The following LRRC37A2 variants were observed in gnomAD, a reference collection of about 807,000 sequenced individuals.
LRRC37A2 encodes the protein leucine-rich repeat-containing protein 37A2.
LRRC37A2 carries 9 observed loss-of-function variants against 68.8 expected under a neutral mutation model. The ratio of observed to expected loss-of-function variants is 0.13; its 90% confidence interval spans 0.08 to 0.23. LRRC37A2 has a LOEUF of 0.23. Ranked by LOEUF, LRRC37A2 falls within the 10% of genes least tolerant of loss-of-function variation. The pLI, the probability that LRRC37A2 is intolerant of heterozygous loss-of-function variation, is 1.00. For missense variants in LRRC37A2, 168 were observed against 950.4 expected (o/e 0.18, Z 10.82); for synonymous variants, 63 against 367.6 (o/e 0.17, Z 9.48).
chr17:46,905,057 T>C, the LRRC37A2 span, among the ~76,000 whole-genome samples: 1 of 152,034 alleles, frequency 6.6e-6, no homozygotes, highest in Non-Finnish European at 1.5e-5. Flanking sequence ...GCAGCGGCCC[T>C]AGAGAAAAGA....
At chr17:47,002,021 G>A in the LRRC37A2 span, among the ~76,000 whole-genome samples, 1 of 152,050 alleles carries the variant, frequency 6.6e-6, no homozygotes, top group East Asian at 1.9e-4. Flanking sequence ...TTACGGGTGT[G>A]AGCCACCACG....
the LRRC37A2 span, among the ~76,000 whole-genome samples, chr17:47,012,228 T>C: frequency 2.0e-5 from 3 of 152,336 alleles, no homozygotes; most frequent in Admixed American, 2.0e-4. Context: ...TTATTATTAT[T>C]ATGGGCTCAT....
chr17:46,789,375 G>A, the LRRC37A2 span, among the ~76,000 whole-genome samples: 4 of 152,158 alleles, frequency 2.6e-5, no homozygotes, highest in African/African-American at 7.2e-5. Context: ...GATCACTTGG[G>A]GTGGTTTTGA....
the LRRC37A2 span, chr17:46,751,419 T>C: frequency 1.0e-6 from 1 of 974,130 alleles, no homozygotes; most frequent in Non-Finnish European, 1.6e-6. Flanking sequence ...TTCTTATCAC[T>C]CTTCTTTTAA....
the LRRC37A2 span, among the ~76,000 whole-genome samples, chr17:46,980,157 G>A: frequency 1.3e-5 from 2 of 151,160 alleles, no homozygotes; most frequent in Non-Finnish European, 2.9e-5. Flanking sequence ...ATCAGATGTG[G>A]GATGGGGCCC....
the LRRC37A2 span, among the ~76,000 whole-genome samples, chr17:46,946,400 G>T: frequency 1.3e-5 from 2 of 149,474 alleles, no homozygotes; most frequent in Non-Finnish European, 3.0e-5. Context: ...GGCGGAGGTT[G>T]CAGTGAGCCG....
the LRRC37A2 span, among the ~76,000 whole-genome samples, chr17:46,970,453 T>C: frequency 6.9e-6 from 1 of 145,752 alleles, no homozygotes; most frequent in Non-Finnish European, 1.5e-5. Flanking sequence ...AGTAGGAGAA[T>C]TGCTTGAACC....
At chr17:46,992,534 T>TAA in the LRRC37A2 span, among the ~76,000 whole-genome samples, 3 of 152,242 alleles carry the variant, frequency 2.0e-5, no homozygotes, top group East Asian at 5.8e-4. Context: ...CCAGGGGTTC[T>TAA]AATGCAGTGC....
chr17:46,819,923 G>A, the LRRC37A2 span, among the ~76,000 whole-genome samples: 1 of 152,210 alleles, frequency 6.6e-6, no homozygotes, highest in Non-Finnish European at 1.5e-5. This position sits in a 1 kb window ranked among gnomAD's most constrained non-coding sequence, Gnocchi z 5.3. Context: ...CAGGCCACCT[G>A]AGGCACCAGG....
the LRRC37A2 span, among the ~76,000 whole-genome samples, chr17:46,965,375 G>A: frequency 6.6e-6 from 1 of 152,250 alleles, no homozygotes; most frequent in South Asian, 2.1e-4. Context: ...GGGACAAGGA[G>A]AGAGAAAGCT....
At chr17:46,756,806 T>C in the LRRC37A2 span, 1 of 152,690 alleles carries the variant, frequency 6.5e-6, no homozygotes, top group Non-Finnish European at 1.5e-5. Context: ...AATCATTTTC[T>C]AGCCCTCTCC....
chr17:46,932,576 G>A, the LRRC37A2 span: 6 of 469,726 alleles, frequency 1.3e-5, no homozygotes, highest in Middle Eastern at 5.5e-4. Context: ...AGCTGCCTGC[G>A]GGCAGTTGCC....
chr17:46,804,323 G>A, the LRRC37A2 span, among the ~76,000 whole-genome samples: 7 of 152,304 alleles, frequency 4.6e-5, no homozygotes, highest in African/African-American at 1.7e-4. Flanking sequence ...CTGACCTCAA[G>A]TGATCTGCCT....
the LRRC37A2 span, chr17:47,021,924 G>A: frequency 6.6e-7 from 1 of 1,514,668 alleles, no homozygotes; most frequent in South Asian, 1.1e-5. Context: ...GAGAAACTGT[G>A]AGTATATTCT....
chr17:46,886,757 T>C, the LRRC37A2 span: 1 of 152,268 alleles, frequency 6.6e-6, no homozygotes, highest in East Asian at 1.9e-4. Flanking sequence ...CATTTTGTCT[T>C]TTGACATTTT....
chr17:46,792,167 C>T, the LRRC37A2 span, among the ~76,000 whole-genome samples: 1 of 152,250 alleles, frequency 6.6e-6, no homozygotes, highest in African/African-American at 2.4e-5. Flanking sequence ...TGTCAGTGCA[C>T]ATTAGCCCCA....
chr17:46,871,731 A>G, the LRRC37A2 span, among the ~76,000 whole-genome samples: 1 of 152,176 alleles, frequency 6.6e-6, no homozygotes, highest in Admixed American at 6.5e-5. Flanking sequence ...TGGCTCCAGA[A>G]TCGATGAACT....
chr17:46,912,536 G>A, the LRRC37A2 span, among the ~76,000 whole-genome samples: 1 of 152,146 alleles, frequency 6.6e-6, no homozygotes, highest in Admixed American at 6.5e-5. Context: ...ACAATTTGCT[G>A]ATGGACTCTC....
the LRRC37A2 span, among the ~76,000 whole-genome samples, chr17:47,002,014 C>T: frequency 2.0e-5 from 3 of 152,216 alleles, no homozygotes; most frequent in Non-Finnish European, 2.9e-5. Context: ...GCTGGGATTA[C>T]GGGTGTGAGC....
Sources: gnomAD v4.1 joint callset for allele counts (sites outside exome capture counted in the v4.1 genomes callset) on GRCh38, gnomAD v4.1.1 for gene constraint, Gnocchi (gnomAD v3.1) non-coding constraint, MANE v1.5 for transcripts, NCBI Gene and HGNC (gene_info 2026-07-23, HGNC 2026-07-21) for gene names.